Variants in FBXL14 observed in about 807,000 individuals in gnomAD.
FBXL14 encodes the protein F-box/LRR-repeat protein 14.
A neutral mutation model predicts 24.5 loss-of-function variants in FBXL14; 11 were observed. That is an observed-to-expected ratio of 0.45 (90% CI 0.28 to 0.74). The LOEUF (loss-of-function observed/expected upper bound fraction) is 0.74, where lower values mean the gene tolerates loss of function less well. FBXL14 is among the 30% of genes least tolerant of loss of function. FBXL14 has a pLI of 0.12. For missense variants in FBXL14, 384 were observed against 545.6 expected, an observed-to-expected ratio of 0.70 and a Z score of 2.95; for synonymous variants, 294 against 240.4, an observed-to-expected ratio of 1.22 and a Z score of -2.06.
intron 1 of FBXL14, among the ~76,000 whole-genome samples, chr12:1,571,129 A>C (rs1462405284): frequency 6.6e-6 from 1 of 152,102 alleles, no homozygotes; most frequent in Non-Finnish European, 1.5e-5. Context: ...TTATACATAT[A>C]CTCATGTATC....
At chr12:1,583,671 A>T (rs976285119) in intron 1 of FBXL14, among the ~76,000 whole-genome samples, 2 of 152,218 alleles carry the variant, frequency 1.3e-5, no homozygotes, top group African/African-American at 4.8e-5. Flanking sequence ...CCACCTACTG[A>T]CAAGACCAAG....
rs1344117070 is a variant in FBXL14 at position 1,593,588 on chromosome 12, C to G, written c.479G>C (p.Gly160Ala). 6.2e-7 allele frequency: 1 copy of G among 1,614,032 alleles called. No homozygotes were observed. The highest frequency in any genetic ancestry group is 1.3e-5 in the African/African-American group (1 of 74,918). The change falls in exon 1 of 2, where the codon GGC becomes GCC. Residue 160 changes from glycine to alanine, a missense_variant. Physicochemically the swap from Gly to Ala is moderately conservative, Grantham distance 60. Coordinates refer to ENST00000339235, the MANE Select transcript of FBXL14 (RefSeq NM_152441.3). The surrounding 1 kb of genome is among the most constrained non-coding windows in gnomAD (Gnocchi z 7.4). ...CAGACCCCAGGCGATGAGCAGAAGGCCAGTGTTGGTGATGTTGCTGCAACC... is the reference window on the plus strand; with the variant it reads ...CAGACCCCAGGCGATGAGCAGAAGGGCAGTGTTGGTGATGTTGCTGCAACC... ...LGGCSNITNT[G>A]LLLIAWGLQR...
At position 1,579,489 on chromosome 12, in the gene FBXL14, ACCTGTAATC is replaced by A. The variant is rs751610846; in HGVS notation, c.1195-12688_1195-12680del. 2.0e-5 allele frequency among the ~76,000 whole-genome samples: 3 copies of A among 151,382 alleles called. No individual in the cohort carries two copies. The highest frequency in any genetic ancestry group is 4.4e-5 in the Non-Finnish European group (3 of 67,874). ...AAATTAGCCGGGCATGATGGCGCAC[ACCTGTAATC>A]CCAGCTACTCGAGAGGCTGAGGTGG... On this transcript the variant is annotated intron_variant, in intron 1 of 1. Coordinates refer to ENST00000339235, the MANE Select transcript of FBXL14 (RefSeq NM_152441.3). This position sits in a 1 kb window ranked among gnomAD's most constrained non-coding sequence, Gnocchi z 4.3.
chr12:1,593,022 C>T lies in FBXL14; in HGVS notation c.1045G>A (p.Glu349Lys). Reference protein sequence around the residue: ...QCVRITDKGLELIAEHLSQLT... With the variant: ...QCVRITDKGLKLIAEHLSQLT... ...TGGCTCAGGTGCTCAGCGATCAGCT[C>T]CAGGCCCTTGTCCGTGATGCGCACA... is the stretch of plus-strand genomic sequence containing the variant. Residue 349 changes from glutamate to lysine, a missense_variant, in exon 1 of 2, where the codon GAG (glutamate) becomes AAG (lysine). Physicochemically the swap from Glu to Lys is moderately conservative, Grantham distance 56 (BLOSUM62 1). Transcript: ENST00000339235. The surrounding 1 kb of genome is among the most constrained non-coding windows in gnomAD (Gnocchi z 7.4). 6.2e-7 allele frequency: 1 copy of T among 1,612,434 alleles called. No individual in the cohort carries two copies. Among genetic ancestry groups the T allele is most frequent in the East Asian group, 2.2e-5 (1 of 44,884 alleles).
rs544161636 is a variant in FBXL14 at position 1,586,210 on chromosome 12, AAAT to A, written c.1194+6660_1194+6662del. On this transcript the variant is annotated intron_variant, in intron 1 of 1. Coordinates refer to ENST00000339235, the MANE Select transcript of FBXL14 (RefSeq NM_152441.3). Reference sequence around the variant, plus strand: ...TTTTTTTTTTTTTTACTCCTAATGAAAATAATATGCTTTGGTGTGGCACCTTTT... The same window carrying A: ...TTTTTTTTTTTTTTACTCCTAATGAAAATATGCTTTGGTGTGGCACCTTTT... 4.8e-3 allele frequency among the ~76,000 whole-genome samples: 719 copies of A among 149,440 alleles called. 8 individuals are homozygous for A. The highest frequency in any genetic ancestry group is 0.018 in the African/African-American group (698 of 39,564).
At chr12:1,586,230 G>T (rs1457081820) in intron 1 of FBXL14, among the ~76,000 whole-genome samples, 10 of 149,362 alleles carry the variant, frequency 6.7e-5, no homozygotes, top group Non-Finnish European at 3.0e-5. Context: ...CTTTGGTGTG[G>T]CACCTTTTAA....
In FBXL14 at chr12:1,594,075, TC is replaced by T; in HGVS notation, c.-10del. On this transcript the variant is annotated 5_prime_UTR_variant, in exon 1 of 2. Transcript: ENST00000339235. ...GAGATGTGGGTCTCCATCTTCCTCC[TC>T]CCCCCTCCGCGGCGCTGGGGGGAGG... is the stretch of plus-strand genomic sequence containing the variant. 2.1e-6 allele frequency: 3 copies of T among 1,422,802 alleles called. No individual in the cohort carries two copies. The highest frequency in any genetic ancestry group is 2.9e-5 in the Admixed American group (1 of 33,954). 88.1% of individuals were successfully genotyped at this position (1,422,802 alleles called of 1,614,324 possible).
rs1331035810 is a variant in FBXL14, at chr12:1,579,596, G to A, written c.1195-12786C>T. Among the ~76,000 whole-genome samples, 1 of 150,086 alleles carries A rather than the reference G, an allele frequency of 6.7e-6. No homozygotes were observed. Among genetic ancestry groups the A allele is most frequent in the Non-Finnish European group, 1.5e-5 (1 of 67,904 alleles). On this transcript the variant is annotated intron_variant, in intron 1 of 1. Transcript: ENST00000339235. The surrounding 1 kb of genome is among the most constrained non-coding windows in gnomAD (Gnocchi z 4.3). ...CCATTGCACTCCAGTCTCGGTGATAGGGTGAGACTCCATTTAAAAAAAAAA... is the reference window on the plus strand; with the variant it reads ...CCATTGCACTCCAGTCTCGGTGATAAGGTGAGACTCCATTTAAAAAAAAAA...
chr12:1,581,257 G>T (rs2154438028), intron 1 of FBXL14, among the ~76,000 whole-genome samples: 2 of 152,252 alleles, frequency 1.3e-5, no homozygotes, highest in Middle Eastern at 6.8e-3. Flanking sequence ...TACAGAGGAA[G>T]GTTAGGAAAG....
In FBXL14 at chr12:1,593,461, C is replaced by T. The variant is rs1037561838; in HGVS notation, c.606G>A (p.Leu202=). The change falls in exon 1 of 2, where the codon CTG becomes CTA. Residue 202 remains leucine (L), a synonymous_variant. Coordinates refer to ENST00000339235, the MANE Select transcript of FBXL14 (RefSeq NM_152441.3). This position sits in a 1 kb window ranked among gnomAD's most constrained non-coding sequence, Gnocchi z 7.4. ...CCTGTAGCGTGAGCTGCTCCAGGCC[C>T]AGGCAGCCCTCCGCCGCGCTGCGCG... ...GMTRSAAEGC[L]GLEQLTLQDC... is the part of the protein sequence containing the mutation. 6.2e-7 allele frequency: 1 copy of T among 1,613,984 alleles called. No homozygotes were observed. The highest frequency in any genetic ancestry group is 2.2e-5 in the East Asian group (1 of 44,884).
intron 1 of FBXL14, among the ~76,000 whole-genome samples, chr12:1,568,584 T>C (rs942540132): frequency 6.6e-6 from 1 of 152,204 alleles, no homozygotes; most frequent in East Asian, 1.9e-4. Context: ...CCCTTAGATA[T>C]ATACTTATGT....
rs139704921 is a variant in FBXL14 at position 1,573,993 on chromosome 12, G to T, written c.1195-7183C>A. Among the ~76,000 whole-genome samples the T allele has an allele frequency of 3.6e-3, 538 of 148,376 alleles. 2 individuals are homozygous for T. Among genetic ancestry groups the T allele is most frequent in the African/African-American group, 0.013 (524 of 40,184 alleles). ...GCACTCCAGCCTGGGCAACAAGAGC[G>T]AAACTCCGTCTCAAAAAAAAGAAAA... On this transcript the variant is annotated intron_variant, in intron 1 of 1. Transcript: ENST00000339235.
Position 1,567,612 on chromosome 12 carries a change from A to C in FBXL14, c.1195-802T>G, listed in dbSNP as rs150312283. ...GCTGGAATTACCAGGCGGGAAATTGAAAGCAGCTCTGATTAATGTGAGGGG... is the reference window on the plus strand; with the variant it reads ...GCTGGAATTACCAGGCGGGAAATTGCAAGCAGCTCTGATTAATGTGAGGGG... On this transcript the variant is annotated intron_variant, in intron 1 of 1. Coordinates refer to ENST00000339235, the MANE Select transcript of FBXL14 (RefSeq NM_152441.3). The surrounding 1 kb of genome is among the most constrained non-coding windows in gnomAD (Gnocchi z 4.8). Among the ~76,000 whole-genome samples the C allele has an allele frequency of 4.7e-4, 71 of 152,360 alleles. 1 individual carries two copies. The highest frequency in any genetic ancestry group is 1.7e-3 in the African/African-American group (70 of 41,586).
At chr12:1,578,946 A>G (rs1385293843) in intron 1 of FBXL14, among the ~76,000 whole-genome samples, 1 of 152,052 alleles carries the variant, frequency 6.6e-6, no homozygotes, top group Middle Eastern at 3.2e-3. Context: ...GTCTTCATGT[A>G]AAGTCGGGTG....
At chr12:1,582,571 T>C (rs913859702) in intron 1 of FBXL14, among the ~76,000 whole-genome samples, 2 of 152,216 alleles carry the variant, frequency 1.3e-5, no homozygotes, top group African/African-American at 4.8e-5. Flanking sequence ...TTCCAAAAGT[T>C]GCGCAGGGAG....
intron 1 of FBXL14, among the ~76,000 whole-genome samples, chr12:1,586,469 G>GT (rs2094476781): frequency 6.6e-6 from 1 of 152,172 alleles, no homozygotes; most frequent in Admixed American, 6.5e-5. Context: ...AGCCGAGTGA[G>GT]TAGCTGGGAC....
At position 1,594,174 on chromosome 12, in the gene FBXL14, C is replaced by T; in HGVS notation, c.-108G>A. On this transcript the variant is annotated 5_prime_UTR_variant, in exon 1 of 2. Transcript: ENST00000339235. Reference sequence around the variant, plus strand: ...TCTCCCCAGCCGCCGCCGCCGCCGCCGCCGCCGCCTCGGGCCCAACGGCCG... The same window carrying T: ...TCTCCCCAGCCGCCGCCGCCGCCGCTGCCGCCGCCTCGGGCCCAACGGCCG... The T allele has an allele frequency of 1.1e-6, 1 of 930,306 alleles. No homozygotes were observed. Among genetic ancestry groups the T allele is most frequent in the Non-Finnish European group, 1.4e-6 (1 of 729,346 alleles). 57.6% of individuals were successfully genotyped at this position (930,306 alleles called of 1,614,324 possible). A position where few individuals can be genotyped will look rare whatever the true frequency, so the allele number is the denominator to read the frequency against.
In FBXL14 at chr12:1,594,156, AGCCGCCGCC is replaced by A. The variant is rs544992054; in HGVS notation, c.-99_-91del. On this transcript the variant is annotated 5_prime_UTR_variant, in exon 1 of 2. Transcript: ENST00000339235. ...GCAGGCGACGAGAGCGCTTCTCCCC[AGCCGCCGCC>A]GCCGCCGCCGCCGCCGCCTCGGGCC... is the stretch of plus-strand genomic sequence containing the variant. 565 of 555,742 alleles carry A rather than the reference AGCCGCCGCC, an allele frequency of 1.0e-3. 3 individuals are homozygous for A. Among genetic ancestry groups the A allele is most frequent in the African/African-American group, 5.0e-3 (251 of 49,952 alleles). 34.4% of individuals were successfully genotyped at this position (555,742 alleles called of 1,614,324 possible).
At chr12:1,577,887 G>A (rs1719704156) in intron 1 of FBXL14, among the ~76,000 whole-genome samples, 1 of 152,186 alleles carries the variant, frequency 6.6e-6, no homozygotes, top group African/African-American at 2.4e-5. Context: ...CACGCTCTTG[G>A]ATATCAAGAG....
Sources: gnomAD v4.1 joint callset for allele counts (sites outside exome capture counted in the v4.1 genomes callset) on GRCh38, gnomAD v4.1.1 for gene constraint, Gnocchi (gnomAD v3.1) non-coding constraint, MANE v1.5 for transcripts, NCBI Gene and HGNC (gene_info 2026-07-23, HGNC 2026-07-21) for gene names.